SMOC1: variants seen among roughly 807,000 people sequenced by gnomAD.
The protein encoded by SMOC1 is SPARC related modular calcium binding 1.
SMOC1 carries 22 observed loss-of-function variants against 56.3 expected under a neutral mutation model. The ratio of observed to expected loss-of-function variants is 0.39; its 90% confidence interval spans 0.28 to 0.56. The LOEUF (loss-of-function observed/expected upper bound fraction) is 0.56, where lower values mean the gene tolerates loss of function less well. SMOC1 is among the 20% of genes least tolerant of loss of function. The pLI is 0.61. For missense variants in SMOC1, 509 were observed against 565.4 expected (o/e 0.90, Z 1.01); for synonymous variants, 193 against 215.0 (o/e 0.90, Z 0.89).
chr14:70,017,195 C>G (rs1371452697), intron 10 of SMOC1, among the ~76,000 whole-genome samples: 1 of 152,228 alleles, frequency 6.6e-6, no homozygotes, highest in African/African-American at 2.4e-5. Context: ...CCAACCACCA[C>G]AAGACCAAGT....
intron 1 of SMOC1, among the ~76,000 whole-genome samples, chr14:69,905,168 C>T (rs1426330728): frequency 6.6e-6 from 1 of 152,088 alleles, no homozygotes; most frequent in Non-Finnish European, 1.5e-5. Flanking sequence ...GGTGCTATGG[C>T]AACACATAGG....
intron 1 of SMOC1, among the ~76,000 whole-genome samples, chr14:69,902,439 CT>C (rs1307153027): frequency 6.6e-6 from 1 of 152,116 alleles, no homozygotes; most frequent in Non-Finnish European, 1.5e-5. Context: ...ATTTCCACAC[CT>C]TTTGAATCTG....
intron 10 of SMOC1, among the ~76,000 whole-genome samples, chr14:70,015,513 G>A (rs768669869): frequency 8.5e-5 from 13 of 152,106 alleles, no homozygotes; most frequent in South Asian, 2.1e-4. Context: ...GTGGTTGCCC[G>A]TCTTGGAAAC....
intron 1 of SMOC1, among the ~76,000 whole-genome samples, chr14:69,948,822 T>G (rs538939214): frequency 6.7e-4 from 102 of 152,232 alleles, no homozygotes; most frequent in Admixed American, 2.1e-3. Context: ...CTACTCTCAT[T>G]TTACGGATGA....
At chr14:69,905,264 G>A (rs1040562789) in intron 1 of SMOC1, among the ~76,000 whole-genome samples, 2 of 152,052 alleles carry the variant, frequency 1.3e-5, no homozygotes, top group Non-Finnish European at 2.9e-5. Context: ...AATTTCTAAG[G>A]CAGGAGTTGG....
intron 1 of SMOC1, among the ~76,000 whole-genome samples, chr14:69,880,584 C>G (rs564449975): frequency 3.3e-5 from 5 of 152,228 alleles, no homozygotes; most frequent in African/African-American, 7.2e-5. Flanking sequence ...ACACCCCCCA[C>G]CAATTGGTCT....
chr14:69,952,116 C>CT, intron 1 of SMOC1, 22 bp from the exon 2 acceptor site: 8 of 1,614,024 alleles, frequency 5.0e-6, no homozygotes, highest in Non-Finnish European at 6.8e-6. Flanking sequence ...CCTCTGTACC[C>CT]TTTCACTTTT....
chr14:69,886,224 A>G, intron 1 of SMOC1: 1 of 700,372 alleles, frequency 1.4e-6, no homozygotes. Context: ...ATCCTCCTGC[A>G]GTGAGCATCT....
At chr14:69,922,917 C>T (rs1216405133) in intron 1 of SMOC1, among the ~76,000 whole-genome samples, 4 of 151,668 alleles carry the variant, frequency 2.6e-5, no homozygotes, top group Non-Finnish European at 5.9e-5. Flanking sequence ...GGTCCTAGAG[C>T]AGGGTCTCAG....
intron 11 of SMOC1, among the ~76,000 whole-genome samples, chr14:70,027,879 C>T (rs1885990591): frequency 6.6e-6 from 1 of 152,102 alleles, no homozygotes; most frequent in South Asian, 2.1e-4. Flanking sequence ...TCAGAACTGC[C>T]CCCTCCATCC....
intron 3 of SMOC1, among the ~76,000 whole-genome samples, chr14:69,954,675 G>T (rs558448742): frequency 6.6e-6 from 1 of 152,292 alleles, no homozygotes; most frequent in East Asian, 1.9e-4. Flanking sequence ...ACTGGACAAG[G>T]ATGAGCTTAG....
intron 3 of SMOC1, among the ~76,000 whole-genome samples, chr14:69,962,345 A>G (rs1035559575): frequency 2.0e-5 from 3 of 152,040 alleles, no homozygotes; most frequent in Admixed American, 1.3e-4. Flanking sequence ...GTATTTTTAT[A>G]TTAGAGATGG....
chr14:69,970,429 T>C (rs1470469583), intron 3 of SMOC1, among the ~76,000 whole-genome samples: 1 of 152,188 alleles, frequency 6.6e-6, no homozygotes, highest in Non-Finnish European at 1.5e-5. Context: ...CCATCAGTTC[T>C]GAAATTTTAT....
In SMOC1 at chr14:70,027,275, G is replaced by A. The variant is rs142640353; in HGVS notation, c.1292-2967G>A. 2.1e-3 allele frequency among the ~76,000 whole-genome samples: 314 copies of A among 152,326 alleles called. 1 individual carries two copies. In the East Asian group the frequency reaches 0.023, roughly 11 times the overall value. On this transcript the variant is annotated intron_variant, in intron 11 of 11. Transcript: ENST00000361956. ...CTTGGCCCAGCCTCAGGATTCCTGG[G>A]CCAGACTGCTGTCCCCTCCAGGAGA...
intron 1 of SMOC1, among the ~76,000 whole-genome samples, chr14:69,895,774 T>C (rs1485914160): frequency 1.3e-5 from 2 of 152,078 alleles, no homozygotes; most frequent in African/African-American, 4.8e-5. Flanking sequence ...CCCATCAAGG[T>C]AGAGCCTTAG....
At chr14:69,881,381 G>A (rs2139279265) in intron 1 of SMOC1, among the ~76,000 whole-genome samples, 1 of 152,060 alleles carries the variant, frequency 6.6e-6, no homozygotes, top group Middle Eastern at 3.4e-3. Context: ...CAAATGGTGG[G>A]GGGCTCGTTT....
intron 10 of SMOC1, among the ~76,000 whole-genome samples, chr14:70,017,257 G>A (rs1885550135): frequency 6.6e-6 from 1 of 152,188 alleles, no homozygotes; most frequent in Non-Finnish European, 1.5e-5. Flanking sequence ...TTGTAACCAG[G>A]GCCCGAGGGT....
At chr14:69,971,758 G>A (rs569470272) in intron 3 of SMOC1, among the ~76,000 whole-genome samples, 3 of 152,254 alleles carry the variant, frequency 2.0e-5, no homozygotes, top group Non-Finnish European at 4.4e-5. Flanking sequence ...CACCCTGATC[G>A]CTTTTCTGCA....
At chr14:69,885,701 A>G in intron 1 of SMOC1, 1 of 1,454,226 alleles carries the variant, frequency 6.9e-7, no homozygotes. Context: ...CTTGTTCTCC[A>G]CCAAGGTGGT....
Sources: gnomAD v4.1 joint callset for allele counts (sites outside exome capture counted in the v4.1 genomes callset) on GRCh38, gnomAD v4.1.1 for gene constraint, MANE v1.5 for transcripts, NCBI Gene and HGNC (gene_info 2026-07-23, HGNC 2026-07-21) for gene names.